Variants in TSBP1 observed in about 807,000 individuals in gnomAD.
TSBP1 encodes testis-expressed basic protein 1.
TSBP1 carries 56 observed loss-of-function variants against 68.8 expected under a neutral mutation model. The ratio of observed to expected loss-of-function variants is 0.81; its 90% CI spans 0.66 to 1.02. The LOEUF is 1.02. TSBP1 is among the 50% of genes least tolerant of loss of function. The probability of loss-of-function intolerance (pLI) is 0.00; values close to 1 mark genes in which losing one functional copy is unlikely to be tolerated. For synonymous variants in TSBP1, 171 were observed against 208.7 expected, an observed-to-expected ratio of 0.82 and a Z score of 1.56; for missense variants, 502 against 641.2, an observed-to-expected ratio of 0.78 and a Z score of 2.34.
chr6:32,309,667 T>C (rs540233384), intron 19 of TSBP1, among the ~76,000 whole-genome samples: 2 of 152,336 alleles, frequency 1.3e-5, no homozygotes, highest in African/African-American at 4.8e-5. Flanking sequence ...GGTACACTCA[T>C]ACAATGTGTA....
chr6:32,333,869 AT>A lies in TSBP1; in HGVS notation c.472+1567del, dbSNP rs1007279533. ...ATAATCCTCGAACTTTTAACTCTGA[AT>A]TTTTTTTTTCCTGTGTAAAACACCT... On this transcript the variant is annotated intron_variant, in intron 14 of 22. Transcript: ENST00000612031. This position sits in a 1 kb window ranked among gnomAD's most constrained non-coding sequence, Gnocchi z 4.2. 3.4e-4 allele frequency: 54 copies of A among 159,048 alleles called. No individual in the cohort carries two copies. Among genetic ancestry groups the A allele is most frequent in the South Asian group, 3.1e-3 (20 of 6,382 alleles). The allele number at this position is 159,048 out of a possible 1,614,324, so 9.9% of individuals were successfully genotyped here. A position where few individuals can be genotyped will look rare whatever the true frequency, so the allele number is the denominator to read the frequency against.
At chr6:32,295,884 G>A (rs1169762407) in intron 22 of TSBP1, among the ~76,000 whole-genome samples, 1 of 115,684 alleles carries the variant, frequency 8.6e-6, no homozygotes, top group Non-Finnish European at 1.7e-5. Context: ...CGCTCTTGTT[G>A]CCCAGGCTGG....
chr6:32,367,438 AC>A lies in TSBP1; in HGVS notation c.166+486del, dbSNP rs546544409. Among the ~76,000 whole-genome samples the A allele has an allele frequency of 4.1e-3, 624 of 152,094 alleles. 4 individuals are homozygous for A. Among genetic ancestry groups the A allele is most frequent in the African/African-American group, 0.013 (557 of 41,480 alleles). The stretch of plus-strand genomic sequence containing the variant: ...GACAGCGCATTGCCGTCTTCTCATA[AC>A]TCTCACGTTTCAAAACCTGAATTTG... On this transcript the variant is annotated intron_variant, in intron 4 of 22. Coordinates refer to ENST00000612031, the Ensembl canonical transcript of TSBP1.
chr6:32,306,257 C>T lies in TSBP1; in HGVS notation c.581-3628G>A, dbSNP rs1026725757. ...CTAATTATGTTTTGTTAAAGATTTACGGGAGCATTGTGACCTGACCAAGGA... is the reference window on the plus strand; with the variant it reads ...CTAATTATGTTTTGTTAAAGATTTATGGGAGCATTGTGACCTGACCAAGGA... On this transcript the variant is annotated intron_variant, in intron 19 of 22. Coordinates refer to ENST00000612031, the Ensembl canonical transcript of TSBP1. The surrounding 1 kb of genome is among the most constrained non-coding windows in gnomAD (Gnocchi z 5.1). 3.3e-5 allele frequency among the ~76,000 whole-genome samples: 5 copies of T among 152,278 alleles called. No individual in the cohort carries two copies. Among genetic ancestry groups the T allele is most frequent in the South Asian group, 2.1e-4 (1 of 4,814 alleles).
exon 23 of TSBP1, chr6:32,293,835 C>T: frequency 6.2e-7 from 1 of 1,613,052 alleles, no homozygotes; most frequent in Non-Finnish European, 8.5e-7. Flanking sequence ...AAATCAGTGC[C>T]TTTTCCTTCT....
In TSBP1 at chr6:32,365,935, T is replaced by G. The variant is rs1292484515; in HGVS notation, c.217+232A>C. On this transcript the variant is annotated intron_variant, in intron 6 of 22. Transcript: ENST00000612031. The surrounding 1 kb of genome is among the most constrained non-coding windows in gnomAD (Gnocchi z 4.3). The stretch of plus-strand genomic sequence containing the variant: ...TTTTGCTGATGCCTTTCTCTCATAT[T>G]ACTTTTGTTAAATAATTAGGAGTTG... 1 of 646,862 alleles carries G rather than the reference T, an allele frequency of 1.5e-6. No homozygotes were observed. Among genetic ancestry groups the G allele is most frequent in the Admixed American group, 2.1e-5 (1 of 46,570 alleles). The allele number at this position is 646,862 out of a possible 1,614,324, so 40.1% of individuals were successfully genotyped here. A position where few individuals can be genotyped will look rare whatever the true frequency, so the allele number is the denominator to read the frequency against.
chr6:32,350,277 C>T, intron 8 of TSBP1: 1 of 423,140 alleles, frequency 2.4e-6, no homozygotes, highest in East Asian at 7.0e-5. Flanking sequence ...TAGCAAGAGA[C>T]CAAATCAGGA....
rs1226684368 is a variant in TSBP1, at chr6:32,337,276, C to T, written c.410-641G>A. Among the ~76,000 whole-genome samples the T allele has an allele frequency of 6.6e-6, 1 of 152,206 alleles. No homozygotes were observed. Among genetic ancestry groups the T allele is most frequent in the Non-Finnish European group, 1.5e-5 (1 of 68,038 alleles). ...TTAAGTTTATAAATGCTTCTTTCTT[C>T]ATCTTGGAGGATCCCGGTTACTGGT... On this transcript the variant is annotated intron_variant, in intron 11 of 22. Coordinates refer to ENST00000612031, the Ensembl canonical transcript of TSBP1. This position sits in a 1 kb window ranked among gnomAD's most constrained non-coding sequence, Gnocchi z 5.5.
chr6:32,346,603 C>T (rs1038779388), intron 9 of TSBP1, among the ~76,000 whole-genome samples: 1 of 151,972 alleles, frequency 6.6e-6, no homozygotes, highest in Non-Finnish European at 1.5e-5. Context: ...TTTGGGAAGC[C>T]GGGGAGGGCA....
intron 8 of TSBP1, among the ~76,000 whole-genome samples, chr6:32,354,877 T>C (rs1427166229): frequency 6.6e-6 from 1 of 152,042 alleles, no homozygotes; most frequent in Non-Finnish European, 1.5e-5. Flanking sequence ...TAAATATATG[T>C]AAATAGACTT....
At position 32,315,044 on chromosome 6, in the gene TSBP1, T is replaced by C. The variant is rs1171171760; in HGVS notation, c.580+728A>G. On this transcript the variant is annotated intron_variant, in intron 19 of 22. Transcript: ENST00000612031. This position sits in a 1 kb window ranked among gnomAD's most constrained non-coding sequence, Gnocchi z 5.4. Reference sequence around the variant, plus strand: ...TTGACAGGAACTTTGGGTTTTAATATTAATGTGATTTAATTTCAGGATGAG... The same window carrying C: ...TTGACAGGAACTTTGGGTTTTAATACTAATGTGATTTAATTTCAGGATGAG... 1.3e-5 allele frequency among the ~76,000 whole-genome samples: 2 copies of C among 152,206 alleles called. No homozygotes were observed. The highest frequency in any genetic ancestry group is 6.5e-5 in the Admixed American group (1 of 15,284).
At chr6:32,308,521 C>A (rs553298665) in intron 19 of TSBP1, among the ~76,000 whole-genome samples, 9 of 146,352 alleles carry the variant, frequency 6.1e-5, no homozygotes, top group South Asian at 4.3e-4. Flanking sequence ...TGGCGTGAAC[C>A]CGGGAGGCGG....
At position 32,355,159 on chromosome 6, in the gene TSBP1, C is replaced by G. The variant is rs1006799166; in HGVS notation, c.239-15G>C. 6.2e-7 allele frequency: 1 copy of G among 1,611,492 alleles called. No homozygotes were observed. Among genetic ancestry groups the G allele is most frequent in the Non-Finnish European group, 8.5e-7 (1 of 1,179,012 alleles). ...GGTTGATGGTGCTAAAATACACACA[C>G]AGAAAACATGAGGTGAATCATGAGA... On this transcript the variant is annotated splice_polypyrimidine_tract_variant and intron_variant, in intron 7 of 22. Coordinates refer to ENST00000612031, the Ensembl canonical transcript of TSBP1.
At chr6:32,296,326 GTTTTC>G (rs1562051288) in intron 22 of TSBP1, among the ~76,000 whole-genome samples, 2 of 152,108 alleles carry the variant, frequency 1.3e-5, no homozygotes, top group South Asian at 2.1e-4. Flanking sequence ...GTAGTTCAGT[GTTTTC>G]TTTTATTATT....
intron 8 of TSBP1, among the ~76,000 whole-genome samples, chr6:32,351,627 C>T (rs1425853777): frequency 6.6e-6 from 1 of 151,956 alleles, no homozygotes; most frequent in Non-Finnish European, 1.5e-5. Flanking sequence ...GGGCAAAATT[C>T]ATAGCAATTA....
rs1476343267 is a variant in TSBP1 at position 32,335,039 on chromosome 6, A to G, written c.472+398T>C. 6.6e-6 allele frequency among the ~76,000 whole-genome samples: 1 copy of G among 152,206 alleles called. No individual in the cohort carries two copies. The highest frequency in any genetic ancestry group is 2.4e-5 in the African/African-American group (1 of 41,428). ...ACAGAGCGAGACTCCATCTCAAAAA[A>G]AATAAAGAAAGGAAACTTAAAATTT... On this transcript the variant is annotated intron_variant, in intron 14 of 22. Coordinates refer to ENST00000612031, the Ensembl canonical transcript of TSBP1. This position sits in a 1 kb window ranked among gnomAD's most constrained non-coding sequence, Gnocchi z 5.5.
intron 16 of TSBP1, chr6:32,326,016 C>A: frequency 6.5e-7 from 1 of 1,532,936 alleles, no homozygotes; most frequent in Non-Finnish European, 8.9e-7. Context: ...GCAATTACAA[C>A]AATCAGTCTT....
Position 32,357,822 on chromosome 6 carries a change from G to A in TSBP1, c.218-2153C>T, listed in dbSNP as rs1389087343. Among the ~76,000 whole-genome samples, 1 of 146,888 alleles carries A rather than the reference G, an allele frequency of 6.8e-6. No individual in the cohort carries two copies. Among genetic ancestry groups the A allele is most frequent in the African/African-American group, 2.5e-5 (1 of 39,248 alleles). ...AGTGTGTAGAAGGGATTAGGGCTTG[G>A]GTTTTAGACATGCTAAGAGTGAGAT... On this transcript the variant is annotated intron_variant, in intron 6 of 22. Transcript: ENST00000612031. The surrounding 1 kb of genome is among the most constrained non-coding windows in gnomAD (Gnocchi z 4.7).
intron 15 of TSBP1, among the ~76,000 whole-genome samples, chr6:32,331,228 A>G (rs1768978239): frequency 1.3e-5 from 2 of 152,104 alleles, no homozygotes; most frequent in African/African-American, 4.8e-5. Flanking sequence ...GTTTTTCCTC[A>G]GATCACTCTG....
Sources: gnomAD v4.1 joint callset for allele counts (sites outside exome capture counted in the v4.1 genomes callset) on GRCh38, gnomAD v4.1.1 for gene constraint, Gnocchi (gnomAD v3.1) non-coding constraint, MANE v1.5 for transcripts, NCBI Gene and HGNC (gene_info 2026-07-23, HGNC 2026-07-21) for gene names.